The following AHCYL2 variants were observed in gnomAD, a reference collection of about 807,000 sequenced individuals.
AHCYL2 encodes the protein S-adenosylhomocysteine hydrolase-like protein 2.
A neutral mutation model predicts 81.4 loss-of-function variants in AHCYL2; 28 were observed. The observed-to-expected ratio is 0.34, with a 90% confidence interval of 0.25 to 0.47. The LOEUF is 0.47. Ranked by LOEUF, AHCYL2 falls within the 20% of genes least tolerant of loss-of-function variation. The pLI is 1.00. For synonymous variants in AHCYL2, 272 were observed against 290.2 expected, an observed-to-expected ratio of 0.94 and a Z score of 0.64; for missense variants, 551 against 785.1, an observed-to-expected ratio of 0.70 and a Z score of 3.56.
In AHCYL2 at chr7:129,426,469, C is replaced by T. The variant is rs753861178; in HGVS notation, c.1735C>T (p.Pro579Ser). The T allele has an allele frequency of 2.5e-6, 4 of 1,613,978 alleles. No homozygotes were observed. In the African/African-American group the frequency reaches 5.3e-5, roughly 22 times the overall value. ...MDEYVASLHL[P>S]TFDAHLTELT... is the part of the protein sequence containing the mutation. ...TGAGTATGTGGCCAGCCTACACCTG[C>T]CTACCTTTGATGCCCACTTGACAGA... The change falls in exon 16 of 17, where the codon CCT becomes TCT. Residue 579 changes from proline (P) to serine (S), a missense_variant. Physicochemically the swap from Pro to Ser is moderately conservative, Grantham distance 74 (BLOSUM62 -1). Coordinates refer to ENST00000325006, the MANE Select transcript of AHCYL2 (RefSeq NM_015328.4). The surrounding 1 kb of genome is among the most constrained non-coding windows in gnomAD (Gnocchi z 4.3).
At chr7:129,413,416 C>T (rs535160536) in intron 11 of AHCYL2, among the ~76,000 whole-genome samples, 178 bp from the exon 12 acceptor site, 98 of 152,000 alleles carry the variant, frequency 6.4e-4, no homozygotes, top group Middle Eastern at 3.4e-3. Context: ...GCTGGAATTA[C>T]AGGCATGAGC....
intron 1 of AHCYL2, among the ~76,000 whole-genome samples, chr7:129,260,027 G>GATC (rs1347410019): frequency 6.8e-6 from 1 of 148,010 alleles, no homozygotes; most frequent in Non-Finnish European, 1.5e-5. Context: ...AGTGAGCCGA[G>GATC]ATCATGCCTT....
intron 2 of AHCYL2, among the ~76,000 whole-genome samples, chr7:129,383,368 C>CTT (rs1795053888): frequency 1.3e-5 from 2 of 151,978 alleles, no homozygotes; most frequent in Admixed American, 1.3e-4. Flanking sequence ...AGGGGTCTCA[C>CTT]TTTGTTGCCT....
At chr7:129,339,049 T>C (rs1313430042) in intron 1 of AHCYL2, among the ~76,000 whole-genome samples, 1 of 152,258 alleles carries the variant, frequency 6.6e-6, no homozygotes, top group Non-Finnish European at 1.5e-5. Flanking sequence ...AAAGGCATCC[T>C]GTTTCCTAAG....
chr7:129,412,297 CT>C (rs371565692), intron 11 of AHCYL2, among the ~76,000 whole-genome samples: 9,639 of 140,750 alleles, frequency 0.068, 365 homozygotes, highest in Non-Finnish European at 0.089. Context: ...AATTGCCAAA[CT>C]TTTTTTTTTT....
At chr7:129,335,758 C>T (rs775624722) in intron 1 of AHCYL2, among the ~76,000 whole-genome samples, 4 of 152,180 alleles carry the variant, frequency 2.6e-5, no homozygotes, top group Admixed American at 2.0e-4. Context: ...TGGTGGCTCT[C>T]TTCTACCAGC....
chr7:129,291,889 G>A (rs1202899326), intron 1 of AHCYL2, among the ~76,000 whole-genome samples: 1 of 152,102 alleles, frequency 6.6e-6, no homozygotes, highest in Non-Finnish European at 1.5e-5. Context: ...ACAGGTGTGA[G>A]CCACTGCGCC....
intron 1 of AHCYL2, among the ~76,000 whole-genome samples, chr7:129,331,367 A>G (rs1416330155): frequency 6.6e-6 from 1 of 152,178 alleles, no homozygotes; most frequent in Non-Finnish European, 1.5e-5. Context: ...CATTTATTGC[A>G]TTGTTATTTA....
chr7:129,365,069 G>T (rs1451306819), intron 1 of AHCYL2, among the ~76,000 whole-genome samples: 3 of 152,158 alleles, frequency 2.0e-5, no homozygotes, highest in African/African-American at 7.2e-5. Context: ...CGCAGGTATT[G>T]TAGGCAAATC....
chr7:129,229,278 G>A (rs1030905470), intron 1 of AHCYL2, among the ~76,000 whole-genome samples: 1 of 152,102 alleles, frequency 6.6e-6, no homozygotes, highest in African/African-American at 2.4e-5. Flanking sequence ...TGTTGGTCAG[G>A]CTGCTTTCAA....
chr7:129,246,895 T>G (rs1795081966), intron 1 of AHCYL2, among the ~76,000 whole-genome samples: 1 of 152,222 alleles, frequency 6.6e-6, no homozygotes. Flanking sequence ...TGTAGTAGGT[T>G]CATTCAGTAG....
chr7:129,342,456 A>C (rs1414022644), intron 1 of AHCYL2, among the ~76,000 whole-genome samples: 1 of 152,330 alleles, frequency 6.6e-6, no homozygotes, highest in East Asian at 1.9e-4. Flanking sequence ...GGAATAAAGA[A>C]GCAAAAGGTA....
At chr7:129,293,340 A>G (rs1796935340) in intron 1 of AHCYL2, among the ~76,000 whole-genome samples, 1 of 152,214 alleles carries the variant, frequency 6.6e-6, no homozygotes, top group Admixed American at 6.5e-5. Context: ...ATATACAAAT[A>G]TATGTATACC....
intron 1 of AHCYL2, among the ~76,000 whole-genome samples, chr7:129,250,640 A>T (rs1795217518): frequency 6.6e-6 from 1 of 152,232 alleles, no homozygotes. Flanking sequence ...TCAGTCTTTC[A>T]TCATTAAGTG....
intron 5 of AHCYL2, among the ~76,000 whole-genome samples, chr7:129,399,073 C>T (rs1462535487): frequency 1.9e-4 from 25 of 130,548 alleles, no homozygotes; most frequent in Non-Finnish European, 2.6e-4. Context: ...ACCCAGGAGG[C>T]GGAGGCTGCA....
chr7:129,325,329 T>C (rs1798181955), intron 1 of AHCYL2, among the ~76,000 whole-genome samples: 1 of 152,198 alleles, frequency 6.6e-6, no homozygotes. Flanking sequence ...TTCGTTTCGG[T>C]TTTTAAAGAT....
chr7:129,230,625 T>A (rs1433677925), intron 1 of AHCYL2, among the ~76,000 whole-genome samples: 1 of 149,360 alleles, frequency 6.7e-6, no homozygotes, highest in Non-Finnish European at 1.5e-5. Flanking sequence ...CAGGCTGGAG[T>A]GCAGTGGTGC....
At chr7:129,289,601 C>A (rs1326782451) in intron 1 of AHCYL2, among the ~76,000 whole-genome samples, 1 of 152,130 alleles carries the variant, frequency 6.6e-6, no homozygotes, top group African/African-American at 2.4e-5. Flanking sequence ...ATATTTTGTT[C>A]TTTCCCCTTG....
intron 1 of AHCYL2, among the ~76,000 whole-genome samples, chr7:129,338,509 C>A (rs1013618304): frequency 2.6e-5 from 4 of 152,140 alleles, no homozygotes; most frequent in African/African-American, 9.7e-5. Context: ...AGAATAGAAA[C>A]CAGTTTATAT....
Sources: allele counts gnomAD v4.1 joint callset (sites outside exome capture counted in the v4.1 genomes callset), GRCh38; gene constraint gnomAD v4.1.1; non-coding constraint Gnocchi (gnomAD v3.1); transcripts MANE v1.5; gene names NCBI Gene and HGNC (gene_info 2026-07-23, HGNC 2026-07-21).